The following DPP10 variants were observed in gnomAD, a reference collection of about 807,000 sequenced individuals.
DPP10 encodes the protein inactive dipeptidyl peptidase 10.
DPP10 carries 33 observed loss-of-function variants against 120.9 expected under a neutral mutation model. The ratio of observed to expected loss-of-function variants is 0.27; its 90% CI spans 0.21 to 0.37. The LOEUF is 0.37. Ranked by LOEUF, DPP10 falls within the 10% of genes least tolerant of loss-of-function variation. DPP10 has a pLI of 1.00. For missense variants in DPP10, 816 were observed against 942.8 expected, an observed-to-expected ratio of 0.87 and a Z score of 1.76; for synonymous variants, 337 against 326.1, an observed-to-expected ratio of 1.03 and a Z score of -0.36.
chr2:114,540,071 A>T (rs546331561), intron 1 of DPP10, among the ~76,000 whole-genome samples: 80 of 152,318 alleles, frequency 5.3e-4, no homozygotes, highest in African/African-American at 1.8e-3. Flanking sequence ...TTTGAGTAAC[A>T]GGAAATGTGC....
intron 2 of DPP10, among the ~76,000 whole-genome samples, chr2:115,340,312 C>G (rs2063381250): frequency 6.6e-6 from 1 of 151,864 alleles, no homozygotes; most frequent in Non-Finnish European, 1.5e-5. Flanking sequence ...ATTCTGTTCA[C>G]AATACCAAAC....
At chr2:115,562,655 A>G (rs1003289296) in intron 5 of DPP10, among the ~76,000 whole-genome samples, 3 of 152,194 alleles carry the variant, frequency 2.0e-5, no homozygotes, top group African/African-American at 7.2e-5. Flanking sequence ...TTTTTGAATC[A>G]TGCTTATCTA....
At chr2:114,729,888 A>T (rs1265925382) in intron 1 of DPP10, among the ~76,000 whole-genome samples, 1 of 152,216 alleles carries the variant, frequency 6.6e-6, no homozygotes, top group Non-Finnish European at 1.5e-5. Flanking sequence ...TAATTCCTTA[A>T]AAATGGACCA....
intron 3 of DPP10, among the ~76,000 whole-genome samples, chr2:115,483,966 C>T (rs948024833): frequency 9.9e-5 from 15 of 152,178 alleles, no homozygotes; most frequent in African/African-American, 3.6e-4. Flanking sequence ...TGGCAAGCTT[C>T]CTCAATGGGC....
intron 5 of DPP10, among the ~76,000 whole-genome samples, chr2:115,592,332 G>A (rs1012477879): frequency 3.9e-5 from 6 of 152,124 alleles, no homozygotes; most frequent in African/African-American, 1.4e-4. Flanking sequence ...GTCTTGTTAG[G>A]TAAATGAAGC....
intron 3 of DPP10, among the ~76,000 whole-genome samples, chr2:115,484,815 A>C (rs2075666702): frequency 6.6e-6 from 1 of 152,198 alleles, no homozygotes; most frequent in Non-Finnish European, 1.5e-5. Flanking sequence ...TACTTCAAAA[A>C]GCAATAAATA....
chr2:115,120,096 A>G (rs1003493737), intron 1 of DPP10, among the ~76,000 whole-genome samples: 1 of 152,222 alleles, frequency 6.6e-6, no homozygotes, highest in Non-Finnish European at 1.5e-5. Flanking sequence ...TTGGAGGACT[A>G]TGGCTGCTAA....
rs147573408 is a variant in DPP10 at position 114,795,742 on chromosome 2, A to C, written c.60+352904A>C. Among the ~76,000 whole-genome samples, 167 of 152,320 alleles carry C rather than the reference A, an allele frequency of 1.1e-3. 2 individuals carry two copies. Among genetic ancestry groups the C allele is most frequent in the African/African-American group, 3.8e-3 (160 of 41,572 alleles). ...TAGCCTAGAAATATCAAAAAATAGG[A>C]AGAAGTTAGGTATGTCATGAATGCA... On this transcript the variant is annotated intron_variant, in intron 1 of 25. Transcript: ENST00000410059.
At chr2:115,777,166 GT>G in intron 13 of DPP10, 41 bp from the exon 14 acceptor site, 2 of 1,578,240 alleles carry the variant, frequency 1.3e-6, no homozygotes, top group Non-Finnish European at 1.7e-6. Flanking sequence ...GAGAGATGCT[GT>G]TTAAATGAAA....
chr2:115,259,100 C>G (rs1047668879), intron 1 of DPP10, among the ~76,000 whole-genome samples: 18 of 152,076 alleles, frequency 1.2e-4, no homozygotes, highest in African/African-American at 3.6e-4. Flanking sequence ...ATTTGTCTTC[C>G]AACCTGAGGA....
chr2:115,253,117 A>G (rs1445287595), intron 1 of DPP10, among the ~76,000 whole-genome samples: 1 of 152,102 alleles, frequency 6.6e-6, no homozygotes. Context: ...CAATCATGGA[A>G]GAAGGTGAAG....
intron 1 of DPP10, among the ~76,000 whole-genome samples, chr2:114,999,396 C>T (rs1477762395): frequency 6.6e-6 from 1 of 152,140 alleles, no homozygotes; most frequent in East Asian, 1.9e-4. Flanking sequence ...CATTTTAAGA[C>T]TAAAATGGGA....
At chr2:115,590,468 T>C (rs2082583700) in intron 5 of DPP10, among the ~76,000 whole-genome samples, 1 of 152,190 alleles carries the variant, frequency 6.6e-6, no homozygotes, top group Non-Finnish European at 1.5e-5. Flanking sequence ...GTTTCCAGCT[T>C]CATCCATGTC....
At chr2:114,825,011 T>C (rs1055633965) in intron 1 of DPP10, among the ~76,000 whole-genome samples, 10 of 152,190 alleles carry the variant, frequency 6.6e-5, no homozygotes, top group African/African-American at 2.2e-4. Flanking sequence ...TTGAGAATCT[T>C]CTCCGTGCAG....
intron 1 of DPP10, among the ~76,000 whole-genome samples, chr2:114,989,487 G>A (rs1700627937): frequency 6.6e-6 from 1 of 152,150 alleles, no homozygotes; most frequent in African/African-American, 2.4e-5. Context: ...TATATGTCTG[G>A]AAAGATTGTT....
intron 3 of DPP10, among the ~76,000 whole-genome samples, chr2:115,355,618 G>A (rs1486045505): frequency 1.3e-5 from 2 of 152,142 alleles, no homozygotes; most frequent in African/African-American, 4.8e-5. Flanking sequence ...TTTTTGGTAT[G>A]AAGTCTTTGC....
chr2:115,677,283 G>C (rs936092802), intron 5 of DPP10, among the ~76,000 whole-genome samples: 1 of 151,950 alleles, frequency 6.6e-6, no homozygotes, highest in Non-Finnish European at 1.5e-5. Flanking sequence ...AAATAAATGA[G>C]AAATAAAACA....
chr2:114,787,276 C>G (rs191339156), intron 1 of DPP10, among the ~76,000 whole-genome samples: 1 of 152,124 alleles, frequency 6.6e-6, no homozygotes, highest in Non-Finnish European at 1.5e-5. Context: ...ACCATGGGGG[C>G]AGGAATGAGT....
intron 1 of DPP10, among the ~76,000 whole-genome samples, chr2:115,112,345 G>A (rs929938012): frequency 2.0e-5 from 3 of 151,742 alleles, no homozygotes; most frequent in Admixed American, 2.0e-4. Context: ...GTTCTATAAA[G>A]TAACATTAAA....
Sources: gnomAD v4.1 joint callset for allele counts (sites outside exome capture counted in the v4.1 genomes callset) on GRCh38, gnomAD v4.1.1 for gene constraint, MANE v1.5 for transcripts, NCBI Gene and HGNC (gene_info 2026-07-23, HGNC 2026-07-21) for gene names.